Variants in ARHGAP32 observed in about 807,000 individuals in gnomAD.
The protein encoded by ARHGAP32 is rho GTPase-activating protein 32.
A neutral mutation model predicts 186.5 loss-of-function variants in ARHGAP32; 51 were observed. That is an observed-to-expected ratio of 0.27 (90% CI 0.22 to 0.35). The LOEUF is 0.35. Ranked by LOEUF, ARHGAP32 falls within the 10% of genes least tolerant of loss-of-function variation. ARHGAP32 has a pLI of 1.00. For synonymous variants in ARHGAP32, 950 were observed against 964.3 expected (o/e 0.99, Z 0.27); for missense variants, 2,186 against 2,623.5 (o/e 0.83, Z 3.64).
chr11:129,036,752 A>AC (rs2134998545), intron 11 of ARHGAP32, among the ~76,000 whole-genome samples: 1 of 152,264 alleles, frequency 6.6e-6, no homozygotes, highest in East Asian at 1.9e-4. Flanking sequence ...CATCTATGAA[A>AC]CCCCCACAGC....
chr11:129,240,432 A>T (rs1055684759), intron 1 of ARHGAP32, among the ~76,000 whole-genome samples: 2 of 152,074 alleles, frequency 1.3e-5, no homozygotes, highest in African/African-American at 4.8e-5. Flanking sequence ...TAATTGTGCT[A>T]CCCAGCCTTC....
At chr11:129,264,161 T>C (rs1459940793) in intron 1 of ARHGAP32, among the ~76,000 whole-genome samples, 1 of 152,170 alleles carries the variant, frequency 6.6e-6, no homozygotes, top group South Asian at 2.1e-4. Flanking sequence ...TTGTACAGTA[T>C]AATCCCATGT....
intron 11 of ARHGAP32, among the ~76,000 whole-genome samples, chr11:129,019,769 C>T (rs1938517784): frequency 6.6e-6 from 1 of 151,952 alleles, no homozygotes; most frequent in African/African-American, 2.4e-5. Flanking sequence ...ATCCTTGAAC[C>T]AATGACCTAG....
chr11:129,050,764 G>A (rs1591567531), intron 10 of ARHGAP32, among the ~76,000 whole-genome samples: 1 of 152,252 alleles, frequency 6.6e-6, no homozygotes, highest in African/African-American at 2.4e-5. Context: ...ATCTACATTA[G>A]GTATTTCTCC....
chr11:129,247,345 C>G (rs1945114733), intron 1 of ARHGAP32, among the ~76,000 whole-genome samples: 1 of 152,184 alleles, frequency 6.6e-6, no homozygotes, highest in Non-Finnish European at 1.5e-5. Flanking sequence ...TAAGTTCATT[C>G]CTATGTCTGT....
intron 1 of ARHGAP32, among the ~76,000 whole-genome samples, chr11:129,214,796 G>A (rs1312580996): frequency 2.6e-5 from 4 of 152,184 alleles, no homozygotes; most frequent in Non-Finnish European, 4.4e-5. Context: ...TCTGTAAAGG[G>A]CCAGATAATA....
intron 6 of ARHGAP32, among the ~76,000 whole-genome samples, chr11:129,070,804 A>G (rs993753628): frequency 6.6e-6 from 1 of 151,992 alleles, no homozygotes; most frequent in Non-Finnish European, 1.5e-5. Flanking sequence ...CATCCTCACA[A>G]ATACTAAAAA....
intron 5 of ARHGAP32, among the ~76,000 whole-genome samples, chr11:129,111,285 G>C (rs745878364): frequency 1.3e-5 from 2 of 152,138 alleles, no homozygotes; most frequent in South Asian, 2.1e-4. Flanking sequence ...CATGATCATG[G>C]TGTCTTATTT....
At chr11:129,180,831 GA>G (rs1244950875) in intron 1 of ARHGAP32, among the ~76,000 whole-genome samples, 3 of 152,004 alleles carry the variant, frequency 2.0e-5, no homozygotes, top group Admixed American at 6.6e-5. Flanking sequence ...AAATAGGAGA[GA>G]AAACTACTTC....
At chr11:129,243,901 A>T (rs919116275) in intron 1 of ARHGAP32, among the ~76,000 whole-genome samples, 5 of 152,298 alleles carry the variant, frequency 3.3e-5, no homozygotes, top group Non-Finnish European at 7.3e-5. Context: ...GTGTCACCAT[A>T]TTGTGATCTG....
intron 11 of ARHGAP32, among the ~76,000 whole-genome samples, chr11:129,030,289 CA>C (rs1225940634): frequency 3.0e-4 from 46 of 151,836 alleles, no homozygotes; most frequent in African/African-American, 1.1e-3. Context: ...TACAAAAGAG[CA>C]AAAAGTGTTG....
chr11:129,127,293 G>T (rs573830558), intron 2 of ARHGAP32, among the ~76,000 whole-genome samples: 1 of 152,250 alleles, frequency 6.6e-6, no homozygotes, highest in South Asian at 2.1e-4. Flanking sequence ...GGGCCTGACG[G>T]GAAAACCTCT....
intron 1 of ARHGAP32, among the ~76,000 whole-genome samples, chr11:129,191,798 A>T (rs148201442): frequency 3.3e-5 from 5 of 152,260 alleles, no homozygotes; most frequent in Non-Finnish European, 5.9e-5. Context: ...GTAGTTCATT[A>T]TGAGTGTCTA....
intron 1 of ARHGAP32, among the ~76,000 whole-genome samples, chr11:129,241,826 A>C (rs1441572403): frequency 6.6e-6 from 1 of 152,200 alleles, no homozygotes; most frequent in Non-Finnish European, 1.5e-5. Context: ...TCTCCAGAAA[A>C]AGACAAAAAT....
chr11:129,050,121 TAA>T (rs1939982757), intron 10 of ARHGAP32, among the ~76,000 whole-genome samples: 1 of 152,244 alleles, frequency 6.6e-6, no homozygotes, highest in African/African-American at 2.4e-5. Context: ...GAGAAACTGC[TAA>T]ACTGTTTTCA....
chr11:129,006,544 G>A (rs1002083010), intron 11 of ARHGAP32, among the ~76,000 whole-genome samples: 1 of 152,186 alleles, frequency 6.6e-6, no homozygotes, highest in African/African-American at 2.4e-5. Context: ...ACCGGTCAGA[G>A]ACTTTTGTTT....
chr11:129,077,287 T>C (rs977458339), intron 6 of ARHGAP32, among the ~76,000 whole-genome samples: 1 of 152,052 alleles, frequency 6.6e-6, no homozygotes, highest in African/African-American at 2.4e-5. Context: ...GAATCCAGGT[T>C]GGGTTGGGAG....
At chr11:129,242,025 CTG>C (rs1378793020) in intron 1 of ARHGAP32, among the ~76,000 whole-genome samples, 2 of 152,260 alleles carry the variant, frequency 1.3e-5, no homozygotes, top group East Asian at 1.9e-4. Context: ...GGTCAGGAGA[CTG>C]TTGCTTTTCT....
intron 1 of ARHGAP32, among the ~76,000 whole-genome samples, chr11:129,188,583 G>A (rs781076767): frequency 2.0e-5 from 3 of 152,078 alleles, no homozygotes; most frequent in Non-Finnish European, 4.4e-5. Flanking sequence ...ACTGGTCCAC[G>A]GTCCAGGGGT....
Sources: gnomAD v4.1 joint callset for allele counts (sites outside exome capture counted in the v4.1 genomes callset) on GRCh38, gnomAD v4.1.1 for gene constraint, MANE v1.5 for transcripts, NCBI Gene and HGNC (gene_info 2026-07-23, HGNC 2026-07-21) for gene names.